WDR25: variants seen among roughly 807,000 people sequenced by gnomAD.
WDR25 encodes WD repeat-containing protein 25.
In WDR25, 35 loss-of-function variants were observed where a neutral mutation model predicts 47.7. The observed-to-expected ratio is 0.73, with a 90% CI of 0.56 to 0.97. WDR25 has a LOEUF of 0.97. Ranked by LOEUF, WDR25 falls within the 50% of genes least tolerant of loss-of-function variation. The probability of loss-of-function intolerance (pLI) is 0.00; values close to 1 mark genes in which losing one functional copy is unlikely to be tolerated. For missense variants in WDR25, 634 were observed against 704.7 expected (o/e 0.90, Z 1.14); for synonymous variants, 248 against 278.9 (o/e 0.89, Z 1.10).
chr14:100,478,865 G>A (rs1900107636), intron 3 of WDR25, among the ~76,000 whole-genome samples: 1 of 152,116 alleles, frequency 6.6e-6, no homozygotes, highest in Admixed American at 6.5e-5. Flanking sequence ...ATAATTCACT[G>A]CCATTTCTGA....
At chr14:100,390,220 T>G (rs1897109907) in intron 2 of WDR25, among the ~76,000 whole-genome samples, 1 of 152,238 alleles carries the variant, frequency 6.6e-6, no homozygotes. Flanking sequence ...TTACAAGGTC[T>G]TTTCTTAGCT....
chr14:100,389,490 C>A (rs540603434), intron 2 of WDR25, among the ~76,000 whole-genome samples: 460 of 152,314 alleles, frequency 3.0e-3, no homozygotes, highest in Non-Finnish European at 5.2e-3. Context: ...ATGAACACAG[C>A]TCTCATGCGG....
chr14:100,417,144 CT>C (rs1170883532), intron 2 of WDR25, among the ~76,000 whole-genome samples: 1 of 152,246 alleles, frequency 6.6e-6, no homozygotes, highest in Non-Finnish European at 1.5e-5. Flanking sequence ...CTGCCCCTCC[CT>C]TCTCTATGGG....
chr14:100,381,144 G>A lies in WDR25; in HGVS notation c.220G>A (p.Gly74Arg), dbSNP rs1275950399. 54 of 1,614,130 alleles carry A rather than the reference G, an allele frequency of 3.3e-5. No homozygotes were observed. The Admixed American group carries it at 9.0e-4, about 27-fold the overall frequency. Residue 74 changes from glycine to arginine, a missense_variant, in exon 2 of 7, where the codon GGG becomes AGG. Gly to Arg is a moderately radical substitution (Grantham distance 125, BLOSUM62 -2). Coordinates refer to ENST00000402312, the MANE Select transcript of WDR25 (RefSeq NM_001161476.3). ...AAAGCATGGCTCCTGTGAAGACCCA[G>A]GGGGCTATCGCCTTCCATTGGCTCA... Reference protein sequence around the residue: ...PTKHGSCEDPGGYRLPLAQLG... With the variant: ...PTKHGSCEDPRGYRLPLAQLG...
chr14:100,460,173 C>T (rs1259012157), intron 2 of WDR25, among the ~76,000 whole-genome samples: 5 of 146,528 alleles, frequency 3.4e-5, no homozygotes, highest in Admixed American at 6.8e-5. Context: ...AGTGCAGTGG[C>T]GCGATCTCGG....
chr14:100,527,061 TCC>T (rs2030206361), intron 5 of WDR25, among the ~76,000 whole-genome samples: 1 of 121,920 alleles, frequency 8.2e-6, no homozygotes, highest in Non-Finnish European at 1.8e-5. Context: ...CACCACCATC[TCC>T]GTCACTACCA....
chr14:100,481,916 T>G (rs1233799065), intron 3 of WDR25, among the ~76,000 whole-genome samples: 1 of 152,188 alleles, frequency 6.6e-6, no homozygotes, highest in Non-Finnish European at 1.5e-5. Context: ...GATAGCCTCT[T>G]AAGGACAATT....
At chr14:100,522,181 T>C (rs2029893707) in intron 4 of WDR25, among the ~76,000 whole-genome samples, 1 of 152,242 alleles carries the variant, frequency 6.6e-6, no homozygotes, top group African/African-American at 2.4e-5. Context: ...ACTTGTCTTT[T>C]TTACTTTATT....
chr14:100,435,096 C>G (rs1394893665), intron 2 of WDR25, among the ~76,000 whole-genome samples: 1 of 152,160 alleles, frequency 6.6e-6, no homozygotes, highest in Non-Finnish European at 1.5e-5. Context: ...CCACCTGACT[C>G]TGGAAGAGTG....
At chr14:100,434,254 A>T (rs1428076711) in intron 2 of WDR25, among the ~76,000 whole-genome samples, 2 of 152,128 alleles carry the variant, frequency 1.3e-5, no homozygotes, top group African/African-American at 4.8e-5. Flanking sequence ...GTGAGTTTAC[A>T]CTGATGTCTC....
At chr14:100,471,803 A>G (rs1899846464) in intron 3 of WDR25, among the ~76,000 whole-genome samples, 1 of 152,222 alleles carries the variant, frequency 6.6e-6, no homozygotes, top group South Asian at 2.1e-4. Context: ...ATTAATTTAT[A>G]GTTCTGACAG....
chr14:100,453,142 C>G (rs1254348708), intron 2 of WDR25, among the ~76,000 whole-genome samples: 1 of 152,128 alleles, frequency 6.6e-6, no homozygotes, highest in African/African-American at 2.4e-5. Flanking sequence ...GAACTCACCA[C>G]GAGACAACCT....
At chr14:100,448,724 C>G (rs549210194) in intron 2 of WDR25, among the ~76,000 whole-genome samples, 1 of 152,002 alleles carries the variant, frequency 6.6e-6, no homozygotes, top group Non-Finnish European at 1.5e-5. Flanking sequence ...CTTTCACAAC[C>G]AGGAAAACAT....
chr14:100,463,638 C>A (rs1192483263), intron 2 of WDR25, among the ~76,000 whole-genome samples: 1 of 152,210 alleles, frequency 6.6e-6, no homozygotes, highest in Non-Finnish European at 1.5e-5. Context: ...TCAGCCTCTA[C>A]CCTGGGCCTC....
rs1898768998 is a variant in WDR25, at chr14:100,444,551, GCCCCAGGC to G, written c.823-23466_823-23459del. ...TCCAGGTGACTTCCTTCTTGCACTG[GCCCCAGGC>G]CCCAGGCCCCAGGCCCCACCGTACC... On this transcript the variant is annotated intron_variant, in intron 2 of 6. Coordinates refer to ENST00000402312, the MANE Select transcript of WDR25 (RefSeq NM_001161476.3). 2.3e-4 allele frequency among the ~76,000 whole-genome samples: 2 copies of G among 8,834 alleles called. 1 individual carries two copies. The highest frequency in any genetic ancestry group is 0.012 in the South Asian group (2 of 172). The allele number at this position is 8,834 out of a possible 152,430, so 5.8% of individuals were successfully genotyped here.
intron 1 of WDR25, among the ~76,000 whole-genome samples, chr14:100,379,223 CAT>C (rs1205385441): frequency 6.6e-6 from 1 of 152,132 alleles, no homozygotes; most frequent in Non-Finnish European, 1.5e-5. Context: ...ATCTAGCAAA[CAT>C]ATGCTAGTAT....
intron 2 of WDR25, among the ~76,000 whole-genome samples, chr14:100,411,547 T>G (rs1386174698): frequency 6.6e-6 from 1 of 151,802 alleles, no homozygotes; most frequent in Non-Finnish European, 1.5e-5. Context: ...CTTTTTTTTT[T>G]TTTTCTCGAG....
At chr14:100,512,643 T>A (rs575303692) in intron 4 of WDR25, among the ~76,000 whole-genome samples, 1 of 152,312 alleles carries the variant, frequency 6.6e-6, no homozygotes, top group East Asian at 1.9e-4. Context: ...TGAATTTAAT[T>A]TTCTTTTTCT....
At chr14:100,526,690 CCATCATCGT>C (rs2030157753) in intron 5 of WDR25, among the ~76,000 whole-genome samples, 1 of 148,222 alleles carries the variant, frequency 6.7e-6, no homozygotes, top group Non-Finnish European at 1.5e-5. Context: ...ATCACTGCCA[CCATCATCGT>C]CACCATCAGT....
Sources: gnomAD v4.1 joint callset for allele counts (sites outside exome capture counted in the v4.1 genomes callset) on GRCh38, gnomAD v4.1.1 for gene constraint, MANE v1.5 for transcripts, NCBI Gene and HGNC (gene_info 2026-07-23, HGNC 2026-07-21) for gene names.